Variants in GRIA4 observed in about 807,000 individuals in gnomAD.
The protein encoded by GRIA4 is glutamate ionotropic receptor AMPA type subunit 4.
GRIA4 carries 34 observed loss-of-function variants against 104.0 expected under a neutral mutation model. That is an observed-to-expected ratio of 0.33 (90% CI 0.25 to 0.44). The LOEUF is 0.44. Ranked by LOEUF, GRIA4 falls within the 20% of genes least tolerant of loss-of-function variation. GRIA4 has a pLI of 1.00. For synonymous variants in GRIA4, 386 were observed against 381.9 expected (o/e 1.01, Z -0.13); for missense variants, 750 against 1,096.5 (o/e 0.68, Z 4.46).
chr11:105,973,526 G>A (rs538647919), intron 15 of GRIA4, among the ~76,000 whole-genome samples: 1 of 151,194 alleles, frequency 6.6e-6, no homozygotes, highest in East Asian at 1.9e-4. Context: ...TTTTTAAGTG[G>A]GAATTATATT....
intron 3 of GRIA4, among the ~76,000 whole-genome samples, chr11:105,695,530 G>A (rs2135507070): frequency 6.6e-6 from 1 of 151,924 alleles, no homozygotes; most frequent in South Asian, 2.1e-4. Context: ...GCGTTTGGTA[G>A]GGGGGTGGTT....
intron 4 of GRIA4, among the ~76,000 whole-genome samples, chr11:105,821,071 T>G (rs959705756): frequency 3.9e-5 from 6 of 152,136 alleles, no homozygotes; most frequent in African/African-American, 1.4e-4. Flanking sequence ...TCTGTTCAAT[T>G]TGAAATTTCA....
At position 105,822,528 on chromosome 11, in the gene GRIA4, G is replaced by A. The variant is rs374127415; in HGVS notation, c.488-39496G>A. Among the ~76,000 whole-genome samples, 8 of 152,208 alleles carry A rather than the reference G, an allele frequency of 5.3e-5. No homozygotes were observed. The East Asian group carries it at 7.8e-4, about 15-fold the overall frequency. On this transcript the variant is annotated intron_variant, in intron 4 of 16. Transcript: ENST00000282499. ...ATGTCTGGCATAATGTCTGAGCAAT[G>A]GTAGGGTGCTCAGGGAATGCAATGA...
chr11:105,965,108 A>G (rs1336268581), intron 14 of GRIA4, among the ~76,000 whole-genome samples: 2 of 152,032 alleles, frequency 1.3e-5, no homozygotes, highest in African/African-American at 2.4e-5. Context: ...CACCTGGCCC[A>G]TGACACTATT....
chr11:105,671,731 A>G (rs1443091456), intron 3 of GRIA4, among the ~76,000 whole-genome samples: 2 of 150,728 alleles, frequency 1.3e-5, no homozygotes, highest in Non-Finnish European at 3.0e-5. Context: ...TTTATAGTCA[A>G]TATATTATGG....
intron 11 of GRIA4, among the ~76,000 whole-genome samples, chr11:105,923,687 G>A (rs1431224893): frequency 1.3e-5 from 2 of 152,150 alleles, no homozygotes; most frequent in Admixed American, 6.6e-5. Context: ...TCTGAAAATG[G>A]AGGCTAGTGC....
At chr11:105,933,559 C>T (rs1433061334) in intron 13 of GRIA4, among the ~76,000 whole-genome samples, 163 bp from the exon 14 acceptor site, 3 of 152,020 alleles carry the variant, frequency 2.0e-5, no homozygotes, top group African/African-American at 7.2e-5. Context: ...AGGCAGTTTT[C>T]CTATTTGAAA....
chr11:105,950,301 A>G (rs1025692065), intron 14 of GRIA4, among the ~76,000 whole-genome samples: 1 of 152,194 alleles, frequency 6.6e-6, no homozygotes, highest in African/African-American at 2.4e-5. Context: ...TATGAGAGTC[A>G]CTTGTCATAA....
intron 3 of GRIA4, among the ~76,000 whole-genome samples, chr11:105,615,245 T>A (rs1235504664): frequency 1.3e-5 from 2 of 151,928 alleles, no homozygotes; most frequent in East Asian, 3.9e-4. Context: ...TAATGCTGGT[T>A]CATCTGCCTC....
intron 4 of GRIA4, among the ~76,000 whole-genome samples, chr11:105,772,247 C>T (rs781185128): frequency 1.1e-4 from 17 of 152,136 alleles, no homozygotes; most frequent in East Asian, 5.8e-4. Flanking sequence ...ATAACGCCAA[C>T]GTACCCGTGC....
At chr11:105,637,529 T>C (rs1259640217) in intron 3 of GRIA4, among the ~76,000 whole-genome samples, 1 of 152,154 alleles carries the variant, frequency 6.6e-6, no homozygotes, top group Non-Finnish European at 1.5e-5. Flanking sequence ...TGCAGAGAAT[T>C]CAAAGAAAAG....
At chr11:105,784,862 T>C (rs1941888783) in intron 4 of GRIA4, among the ~76,000 whole-genome samples, 1 of 152,168 alleles carries the variant, frequency 6.6e-6, no homozygotes, top group Admixed American at 6.5e-5. Context: ...ACATCACTTA[T>C]TGGAAAGAGT....
chr11:105,648,201 TAA>T (rs1951584884), intron 3 of GRIA4, among the ~76,000 whole-genome samples: 1 of 151,766 alleles, frequency 6.6e-6, no homozygotes, highest in African/African-American at 2.4e-5. Flanking sequence ...TATAGTGAGA[TAA>T]ATAAGCATGT....
At chr11:105,791,772 T>C (rs1435554408) in intron 4 of GRIA4, among the ~76,000 whole-genome samples, 1 of 152,158 alleles carries the variant, frequency 6.6e-6, no homozygotes, top group Non-Finnish European at 1.5e-5. Context: ...CACTCAGCAA[T>C]ATGAATTTGA....
intron 4 of GRIA4, among the ~76,000 whole-genome samples, chr11:105,779,362 G>T (rs896364138): frequency 1.4e-4 from 21 of 152,096 alleles, no homozygotes; most frequent in African/African-American, 5.1e-4. Context: ...TGGCCATACT[G>T]CCCAAGGTAA....
At chr11:105,684,466 G>A (rs1470087873) in intron 3 of GRIA4, among the ~76,000 whole-genome samples, 1 of 150,864 alleles carries the variant, frequency 6.6e-6, no homozygotes, top group Non-Finnish European at 1.5e-5. Flanking sequence ...TGTTGACTTA[G>A]AGTGACCACA....
At chr11:105,894,846 GCGGAC>G (rs1946591146) in intron 6 of GRIA4, among the ~76,000 whole-genome samples, 1 of 96,602 alleles carries the variant, frequency 1.0e-5, no homozygotes, top group African/African-American at 3.9e-5. Flanking sequence ...AGGCTGGACT[GCGGAC>G]TGCAGTGGCG....
At chr11:105,847,392 G>A (rs756487852) in intron 4 of GRIA4, among the ~76,000 whole-genome samples, 11 of 152,138 alleles carry the variant, frequency 7.2e-5, no homozygotes, top group Non-Finnish European at 1.3e-4. Flanking sequence ...TGCAGATCAC[G>A]GGTTGGGGAC....
intron 4 of GRIA4, among the ~76,000 whole-genome samples, chr11:105,838,714 T>C (rs752328684): frequency 6.6e-6 from 1 of 152,128 alleles, no homozygotes; most frequent in Non-Finnish European, 1.5e-5. Context: ...CCAACAAAAT[T>C]GGTTAGATTG....
Sources: allele counts gnomAD v4.1 joint callset (sites outside exome capture counted in the v4.1 genomes callset), GRCh38; gene constraint gnomAD v4.1.1; transcripts MANE v1.5; gene names NCBI Gene and HGNC (gene_info 2026-07-23, HGNC 2026-07-21).